Variants in NEK10 observed in about 807,000 individuals in gnomAD.
NEK10 encodes the protein serine/threonine-protein kinase Nek10.
NEK10 carries 122 observed loss-of-function variants against 159.8 expected under a neutral mutation model. The ratio of observed to expected loss-of-function variants is 0.76; its 90% CI spans 0.66 to 0.89. The LOEUF is 0.89. Among genes scored for constraint, NEK10 ranks in the 40% least tolerant of loss-of-function variants. NEK10 has a pLI of 0.00. For missense variants in NEK10, 1,342 were observed against 1,323.1 expected (o/e 1.01, Z -0.22); for synonymous variants, 466 against 457.1 (o/e 1.02, Z -0.25).
chr3:27,163,415 G>A (rs187994345), intron 29 of NEK10, among the ~76,000 whole-genome samples: 1 of 151,656 alleles, frequency 6.6e-6, no homozygotes, highest in African/African-American at 2.4e-5. Flanking sequence ...GCAGTGACGC[G>A]ATCTCAGCTC....
chr3:27,184,948 A>AT (rs1234218522), intron 26 of NEK10, among the ~76,000 whole-genome samples: 2 of 152,126 alleles, frequency 1.3e-5, no homozygotes, highest in South Asian at 2.1e-4. Context: ...TAAATAGCAC[A>AT]TTTTTTAATT....
chr3:27,324,153 C>T (rs2045849168), intron 5 of NEK10, among the ~76,000 whole-genome samples: 1 of 152,166 alleles, frequency 6.6e-6, no homozygotes, highest in Admixed American at 6.5e-5. Context: ...CCCTGCTGGG[C>T]CACTGTGAAC....
intron 32 of NEK10, among the ~76,000 whole-genome samples, chr3:27,125,038 T>C (rs1167098492): frequency 6.6e-6 from 1 of 152,108 alleles, no homozygotes; most frequent in Admixed American, 6.6e-5. Context: ...CCTCCTGCTC[T>C]GAATAGACAC....
At chr3:27,204,295 G>GTTT (rs1950306350) in intron 23 of NEK10, among the ~76,000 whole-genome samples, 9 of 73,984 alleles carry the variant, frequency 1.2e-4, no homozygotes, top group Non-Finnish European at 1.5e-4. Flanking sequence ...TTTTTTTTTT[G>GTTT]TTGTTGTTTT....
At chr3:27,220,569 C>T (rs760143596) in intron 23 of NEK10, among the ~76,000 whole-genome samples, 1 of 151,864 alleles carries the variant, frequency 6.6e-6, no homozygotes, top group African/African-American at 2.4e-5. Flanking sequence ...ATGTAGACAT[C>T]TTGCGGGGGT....
At chr3:27,300,098 T>C (rs1011940419) in intron 13 of NEK10, among the ~76,000 whole-genome samples, 1 of 152,090 alleles carries the variant, frequency 6.6e-6, no homozygotes, top group Non-Finnish European at 1.5e-5. Context: ...CAAAATGATA[T>C]GGTTTGACTG....
intron 23 of NEK10, chr3:27,215,801 T>C (rs1003601230): frequency 1.7e-5 from 12 of 717,142 alleles, no homozygotes; most frequent in African/African-American, 3.5e-5. Context: ...CTTCCAATGA[T>C]AGCAGAAGGC....
At chr3:27,213,576 A>G (rs2149108245) in intron 23 of NEK10, among the ~76,000 whole-genome samples, 1 of 152,376 alleles carries the variant, frequency 6.6e-6, no homozygotes, top group Middle Eastern at 3.4e-3. Context: ...CTGTAGGCCA[A>G]GGGAATTCCA....
chr3:27,359,519 A>G (rs2048538151), intron 1 of NEK10, among the ~76,000 whole-genome samples: 1 of 152,228 alleles, frequency 6.6e-6, no homozygotes, highest in Non-Finnish European at 1.5e-5. Context: ...TACAAAATGG[A>G]AAATCATTTC....
chr3:27,164,538 G>A (rs1946310939), intron 29 of NEK10, among the ~76,000 whole-genome samples: 1 of 152,034 alleles, frequency 6.6e-6, no homozygotes, highest in Non-Finnish European at 1.5e-5. Flanking sequence ...TATACAAATT[G>A]AAATCTTATT....
chr3:27,315,985 T>C (rs2045130210), intron 6 of NEK10, among the ~76,000 whole-genome samples: 1 of 152,218 alleles, frequency 6.6e-6, no homozygotes, highest in Non-Finnish European at 1.5e-5. Context: ...ATAGAAATTG[T>C]GCAGACAAAA....
chr3:27,112,324 A>T (rs1484594998), intron 35 of NEK10, among the ~76,000 whole-genome samples: 1 of 152,242 alleles, frequency 6.6e-6, no homozygotes, highest in East Asian at 1.9e-4. Context: ...AATGTACCTT[A>T]TCTTGAATTA....
chr3:27,182,584 C>T (rs1462522141), intron 26 of NEK10, among the ~76,000 whole-genome samples: 1 of 149,970 alleles, frequency 6.7e-6, no homozygotes, highest in Non-Finnish European at 1.5e-5. Flanking sequence ...TCCAGCAATC[C>T]CATTGCTAGG....
chr3:27,294,845 C>T (rs984118605), intron 15 of NEK10, among the ~76,000 whole-genome samples: 13 of 152,098 alleles, frequency 8.5e-5, no homozygotes, highest in African/African-American at 3.1e-4. Flanking sequence ...GCCACTGCCC[C>T]CCGCCCCCAC....
intron 23 of NEK10, among the ~76,000 whole-genome samples, chr3:27,230,920 G>T (rs1213419312): frequency 6.6e-6 from 1 of 151,942 alleles, no homozygotes; most frequent in African/African-American, 2.4e-5. Flanking sequence ...CTCAATGGTA[G>T]TGGGGGACTT....
At chr3:27,308,062 G>C (rs957748966) in intron 10 of NEK10, 117 bp from the exon 11 acceptor site, 2 of 598,718 alleles carry the variant, frequency 3.3e-6, no homozygotes, top group Non-Finnish European at 3.0e-6. Flanking sequence ...ATAAAGGAAA[G>C]AGGTTTACTT....
intron 29 of NEK10, among the ~76,000 whole-genome samples, chr3:27,166,984 G>C (rs113511947): frequency 6.6e-6 from 1 of 151,936 alleles, no homozygotes; most frequent in African/African-American, 2.4e-5. Context: ...TTAGACTTAG[G>C]AGCACACTGC....
At chr3:27,278,398 A>C (rs2041919318) in intron 22 of NEK10, among the ~76,000 whole-genome samples, 1 of 152,230 alleles carries the variant, frequency 6.6e-6, no homozygotes. Flanking sequence ...TTTTCCCCAT[A>C]GGACTGTGAG....
intron 30 of NEK10, 136 bp downstream of exon 30, chr3:27,162,565 G>C: frequency 4.3e-6 from 7 of 1,614,086 alleles, no homozygotes; most frequent in Non-Finnish European, 5.9e-6. Flanking sequence ...GAGCATGTGG[G>C]GTGGCACTTT....
Sources: allele counts gnomAD v4.1 joint callset (sites outside exome capture counted in the v4.1 genomes callset), GRCh38; gene constraint gnomAD v4.1.1; transcripts MANE v1.5; gene names NCBI Gene and HGNC (gene_info 2026-07-23, HGNC 2026-07-21).